TGIF1: variants seen among roughly 807,000 people sequenced by gnomAD.
TGIF1 encodes TGFB induced factor homeobox 1, also known as homeobox protein TGIF1.
A neutral mutation model predicts 19.3 loss-of-function variants in TGIF1; 4 were observed. That is an observed-to-expected ratio of 0.21 (90% CI 0.10 to 0.47). TGIF1 has a LOEUF of 0.47. Among genes scored for constraint, TGIF1 ranks in the 20% least tolerant of loss-of-function variants. The pLI, the probability that TGIF1 is intolerant of heterozygous loss-of-function variation, is 0.98. For synonymous variants in TGIF1, 122 were observed against 129.3 expected (o/e 0.94, Z 0.38); for missense variants, 275 against 341.4 (o/e 0.81, Z 1.53).
At position 3,450,288 on chromosome 18, in the gene TGIF1, A is replaced by G; in HGVS notation, c.-202A>G. ...CCGGCTGCCAGAAGATCCCGGCGGG[A>G]GGAAGCCCAAGTGTCACTTGAATTC... On this transcript the variant is annotated 5_prime_UTR_variant, in exon 1 of 3. Transcript: ENST00000343820. 1 of 1,437,498 alleles carries G rather than the reference A, an allele frequency of 7.0e-7. No homozygotes were observed. The highest frequency in any genetic ancestry group is 9.1e-7 in the Non-Finnish European group (1 of 1,097,522). The allele number at this position is 1,437,498 out of a possible 1,614,324, so 89.0% of individuals were successfully genotyped here.
chr18:3,446,902 GA>G (rs1160123609), upstream of TGIF1, among the ~76,000 whole-genome samples: 16 of 152,290 alleles, frequency 1.1e-4, no homozygotes, highest in African/African-American at 3.6e-4. Context: ...TCTCCACCTA[GA>G]ACACAGTCCT....
intron 1 of TGIF1, among the ~76,000 whole-genome samples, chr18:3,417,462 T>C (rs1278175779): frequency 6.6e-6 from 1 of 152,192 alleles, no homozygotes; most frequent in Non-Finnish European, 1.5e-5. Flanking sequence ...GCCTACCCTG[T>C]TTGTTAAATA....
chr18:3,436,257 A>T (rs1188930787), intron 2 of TGIF1, among the ~76,000 whole-genome samples: 1 of 152,218 alleles, frequency 6.6e-6, no homozygotes, highest in East Asian at 1.9e-4. Context: ...TTTTATGATG[A>T]TAAAAGTAAG....
chr18:3,428,532 TC>T lies in TGIF1; in HGVS notation c.-45+10318del, dbSNP rs1462708543. On this transcript the variant is annotated intron_variant, in intron 2 of 3. Transcript: ENST00000401449. ...GCGGGCAGATCATGAGGTCGGGAGA[TC>T]GACACCATCCTGACCAACATAGCGA... Among the ~76,000 whole-genome samples, 2 of 151,516 alleles carry T rather than the reference TC, an allele frequency of 1.3e-5. 1 individual carries two copies. The highest frequency in any genetic ancestry group is 3.9e-4 in the East Asian group (2 of 5,178).
Position 3,450,401 on chromosome 18 carries a change from GTGAAGGAGA to G in TGIF1, c.-88_-80del. The G allele has an allele frequency of 1.3e-6, 2 of 1,548,410 alleles. No homozygotes were observed. The highest frequency in any genetic ancestry group is 2.4e-5 in the South Asian group (2 of 83,892). ...CCTACAAGTTACGGGAGAGTCGGCT[GTGAAGGAGA>G]CGTTCGCTTATCCCCTGTGTCCCCG... On this transcript the variant is annotated 5_prime_UTR_variant, in exon 1 of 3. Coordinates refer to ENST00000343820, the MANE Select transcript of TGIF1 (RefSeq NM_003244.4).
chr18:3,452,654 T>G, intron 1 of TGIF1, among the ~76,000 whole-genome samples: 1 of 152,156 alleles, frequency 6.6e-6, no homozygotes, highest in South Asian at 2.1e-4. Context: ...TTGCTTTTCC[T>G]CCTTGGGCCC....
chr18:3,413,949 C>T (rs1245824954), intron 1 of TGIF1, among the ~76,000 whole-genome samples: 2 of 152,162 alleles, frequency 1.3e-5, no homozygotes, highest in African/African-American at 2.4e-5. Flanking sequence ...CTCAGCAAAT[C>T]TTCACAATAA....
At chr18:3,422,507 T>A (rs946072630) in intron 2 of TGIF1, among the ~76,000 whole-genome samples, 2 of 151,478 alleles carry the variant, frequency 1.3e-5, no homozygotes, top group African/African-American at 4.8e-5. Flanking sequence ...AAAGAAATTT[T>A]AAAAAATAAA....
upstream of TGIF1, among the ~76,000 whole-genome samples, chr18:3,448,871 C>G (rs1043987629): frequency 1.3e-5 from 2 of 151,990 alleles, no homozygotes; most frequent in Non-Finnish European, 2.9e-5. Context: ...GGATCTCCAC[C>G]GAGGTTACCG....
intron 2 of TGIF1, among the ~76,000 whole-genome samples, chr18:3,429,755 C>CA: frequency 6.6e-6 from 1 of 152,302 alleles, no homozygotes; most frequent in African/African-American, 2.4e-5. Context: ...GTTAACACCA[C>CA]AAAAAAGTTT....
upstream of TGIF1, chr18:3,448,404 A>G: frequency 9.9e-7 from 1 of 1,009,430 alleles, no homozygotes. Flanking sequence ...CCTGCGCCAC[A>G]TCTGTCCCGC....
At chr18:3,448,395 C>T (rs1057356892), upstream of TGIF1, 44 of 1,009,834 alleles carry the variant, frequency 4.4e-5, no homozygotes, top group Non-Finnish European at 5.1e-5. Flanking sequence ...GGCCCCCTCC[C>T]TGCGCCACAT....
chr18:3,448,488 G>A, upstream of TGIF1: 1 of 990,082 alleles, frequency 1.0e-6, no homozygotes, highest in Non-Finnish European at 1.2e-6. Context: ...GCAGGGCAGC[G>A]TCCGGGCGGG....
chr18:3,428,329 T>A (rs2082500576), intron 2 of TGIF1, among the ~76,000 whole-genome samples: 1 of 152,248 alleles, frequency 6.6e-6, no homozygotes, highest in Non-Finnish European at 1.5e-5. Context: ...TGGCATATGA[T>A]GGTGATCTTG....
rs768206922 is a variant in TGIF1, at chr18:3,457,899, C to T, written c.778C>T (p.Arg260Trp). 3.7e-6 allele frequency: 6 copies of T among 1,602,260 alleles called. No homozygotes were observed. The highest frequency in any genetic ancestry group is 5.1e-6 in the Non-Finnish European group (6 of 1,179,966). The change falls in exon 3 of 3, where the codon CGG becomes TGG. Residue 260 changes from arginine to tryptophan, a missense_variant. Coordinates refer to ENST00000343820, the MANE Select transcript of TGIF1 (RefSeq NM_003244.4). This position sits in a 1 kb window ranked among gnomAD's most constrained non-coding sequence, Gnocchi z 4.9. ...FQLLVDVALK[R>W]AAEMELQAKL... ...GCTTCTAGTGGATGTTGCACTCAAA[C>T]GGGCTGCAGAGATGGAGCTTCAGGC...
chr18:3,417,764 G>T (rs2143116708), intron 1 of TGIF1, among the ~76,000 whole-genome samples: 1 of 152,024 alleles, frequency 6.6e-6, no homozygotes, highest in East Asian at 1.9e-4. Context: ...ACTGTTTTCT[G>T]AATTTTCTAC....
intron 2 of TGIF1, among the ~76,000 whole-genome samples, chr18:3,430,358 ATATTT>A (rs2082531189): frequency 6.6e-6 from 1 of 152,206 alleles, no homozygotes; most frequent in South Asian, 2.1e-4. Flanking sequence ...CCTTCTTTCT[ATATTT>A]TTATTTGATA....
At chr18:3,413,641 G>T (rs1011456073) in intron 1 of TGIF1, among the ~76,000 whole-genome samples, 1 of 152,074 alleles carries the variant, frequency 6.6e-6, no homozygotes, top group Admixed American at 6.5e-5. Context: ...ATGCCAAGGC[G>T]GGAGGATCAC....
chr18:3,434,519 A>G (rs2143206783), intron 2 of TGIF1, among the ~76,000 whole-genome samples: 2 of 150,294 alleles, frequency 1.3e-5, no homozygotes, highest in South Asian at 4.2e-4. Context: ...CTGGGCAACA[A>G]GAGCTAAACT....
Sources: allele counts gnomAD v4.1 joint callset (sites outside exome capture counted in the v4.1 genomes callset), GRCh38; gene constraint gnomAD v4.1.1; non-coding constraint Gnocchi (gnomAD v3.1); transcripts MANE v1.5; gene names NCBI Gene and HGNC (gene_info 2026-07-23, HGNC 2026-07-21).